The following TMEFF2 variants were observed in gnomAD, a reference collection of about 807,000 sequenced individuals.
TMEFF2 encodes tomoregulin-2.
Under a neutral mutation model 53.8 loss-of-function variants are expected in TMEFF2, and 28 were observed. That is an observed-to-expected ratio of 0.52 (90% confidence interval 0.39 to 0.71). The LOEUF (loss-of-function observed/expected upper bound fraction) is 0.71. Ranked by LOEUF, TMEFF2 falls within the 30% of genes least tolerant of loss-of-function variation. TMEFF2 has a pLI of 0.00. For missense variants in TMEFF2, 353 were observed against 455.2 expected (o/e 0.78, Z 2.04); for synonymous variants, 162 against 166.3 (o/e 0.97, Z 0.20).
At chr2:192,025,142 A>G (rs2105865138) in intron 5 of TMEFF2, among the ~76,000 whole-genome samples, 1 of 152,326 alleles carries the variant, frequency 6.6e-6, no homozygotes, top group Middle Eastern at 3.4e-3. Flanking sequence ...TTCAAGCTAT[A>G]TCAAGCATTG....
intron 7 of TMEFF2, among the ~76,000 whole-genome samples, chr2:191,990,416 A>AGTGTGTGTGTGTGT (rs55848067): frequency 0.61 from 90,486 of 147,138 alleles, 28,136 homozygotes; most frequent in East Asian, 0.77. Context: ...TGCTCAGAAT[A>AGTGTGTGTGTGTGT]GTGTGTGTGT....
intron 4 of TMEFF2, among the ~76,000 whole-genome samples, chr2:192,158,883 T>C (rs986529083): frequency 2.0e-5 from 3 of 152,088 alleles, no homozygotes; most frequent in African/African-American, 7.2e-5. Context: ...ACCTAAACTA[T>C]TCTTTAATGT....
chr2:191,993,552 T>A (rs1686154945), intron 7 of TMEFF2, among the ~76,000 whole-genome samples: 1 of 152,002 alleles, frequency 6.6e-6, no homozygotes, highest in Non-Finnish European at 1.5e-5. Flanking sequence ...ACATACATAC[T>A]ATAATCCAGC....
At chr2:192,006,016 T>TC (rs765618497) in intron 5 of TMEFF2, among the ~76,000 whole-genome samples, 224 of 151,078 alleles carry the variant, frequency 1.5e-3, no homozygotes, top group Non-Finnish European at 2.9e-3. Flanking sequence ...AACTGACTGG[T>TC]AAGGCTAATA....
intron 4 of TMEFF2, among the ~76,000 whole-genome samples, chr2:192,138,110 C>T (rs913319074): frequency 1.3e-5 from 2 of 152,152 alleles, no homozygotes; most frequent in Non-Finnish European, 2.9e-5. Flanking sequence ...TGAGCCACTG[C>T]GCCCAGCCTC....
Position 192,042,497 on chromosome 2 carries a change from G to T in TMEFF2, c.536+15182C>A, listed in dbSNP as rs1374129854. On this transcript the variant is annotated intron_variant, in intron 5 of 9. Coordinates refer to ENST00000272771, the MANE Select transcript of TMEFF2 (RefSeq NM_016192.4). ...TAGGAAGTGAAATCCGTGAAGAGGT[G>T]TGCTACACTCCAAAAGAACTACCTA... Among the ~76,000 whole-genome samples, 4 of 152,282 alleles carry T rather than the reference G, an allele frequency of 2.6e-5. No homozygotes were observed. In the East Asian group the frequency reaches 7.7e-4, roughly 29 times the overall value.
At position 191,949,897 on chromosome 2, in the gene TMEFF2, C is replaced by T. The variant is rs1691817178; in HGVS notation, c.*414G>A. 2 of 992,242 alleles carry T rather than the reference C, an allele frequency of 2.0e-6. No individual in the cohort carries two copies. The highest frequency in any genetic ancestry group is 1.2e-6 in the Non-Finnish European group (1 of 834,198). 61.5% of individuals were successfully genotyped at this position (992,242 alleles called of 1,614,324 possible). On this transcript the variant is annotated 3_prime_UTR_variant, in exon 10 of 10. Transcript: ENST00000272771. ...TCATTCAAAACCTAGCCACTGAGTCCTGTACGAACTAATGTGCTGTCTCAA... is the reference window on the plus strand; with the variant it reads ...TCATTCAAAACCTAGCCACTGAGTCTTGTACGAACTAATGTGCTGTCTCAA...
intron 7 of TMEFF2, among the ~76,000 whole-genome samples, chr2:191,985,677 C>T (rs1442117766): frequency 6.6e-6 from 1 of 152,148 alleles, no homozygotes; most frequent in Non-Finnish European, 1.5e-5. Flanking sequence ...CAGAAAATAA[C>T]ATTGCTGTGA....
At chr2:192,091,212 G>A (rs1473910819) in intron 4 of TMEFF2, among the ~76,000 whole-genome samples, 1 of 152,136 alleles carries the variant, frequency 6.6e-6, no homozygotes, top group Non-Finnish European at 1.5e-5. Context: ...TCTGTTTAAT[G>A]CTTTGATGGT....
intron 7 of TMEFF2, among the ~76,000 whole-genome samples, chr2:191,957,868 G>A (rs980182255): frequency 3.3e-5 from 5 of 152,184 alleles, no homozygotes; most frequent in Non-Finnish European, 7.3e-5. Context: ...TTTGCACATC[G>A]ATAGCAGCTA....
In TMEFF2 at chr2:191,953,744, T is replaced by C; in HGVS notation, c.963A>G (p.Leu321=). The change falls in exon 9 of 10, where the codon TTA becomes TTG. Residue 321 remains leucine, a synonymous_variant. Transcript: ENST00000272771. The stretch of plus-strand genomic sequence containing the variant: ...GAATTGTTCCAATCACAGCTGCGAT[T>C]AAGACATACTGAAATCGTACAGGAC... ...VPGPVRFQYV[L]IAAVIGTIQI... The C allele has an allele frequency of 6.2e-7, 1 of 1,614,192 alleles. No individual in the cohort carries two copies. Among genetic ancestry groups the C allele is most frequent in the Non-Finnish European group, 8.5e-7 (1 of 1,180,022 alleles).
intron 4 of TMEFF2, among the ~76,000 whole-genome samples, chr2:192,070,460 A>C (rs963018969): frequency 6.6e-6 from 1 of 151,906 alleles, no homozygotes. Context: ...TCTTAAAAAT[A>C]TAAGTCTGAT....
intron 6 of TMEFF2, among the ~76,000 whole-genome samples, 188 bp downstream of exon 6, chr2:191,998,872 G>T (rs548385761): frequency 1.3e-5 from 2 of 151,996 alleles, no homozygotes; most frequent in South Asian, 4.2e-4. Flanking sequence ...GACAGATCTG[G>T]ACGGTTGCTG....
At chr2:192,131,536 C>A (rs1324882005) in intron 4 of TMEFF2, among the ~76,000 whole-genome samples, 9 of 151,986 alleles carry the variant, frequency 5.9e-5, no homozygotes, top group Admixed American at 2.0e-4. Flanking sequence ...TATCTCTGTG[C>A]CCCAATCCCT....
intron 5 of TMEFF2, among the ~76,000 whole-genome samples, chr2:192,025,380 T>TG (rs1240539394): frequency 1.3e-5 from 2 of 151,264 alleles, no homozygotes; most frequent in Non-Finnish European, 1.5e-5. Context: ...AGAAGGGTTT[T>TG]TTTTTTTTTT....
chr2:192,053,500 T>C (rs1197647701), intron 5 of TMEFF2, among the ~76,000 whole-genome samples: 1 of 152,234 alleles, frequency 6.6e-6, no homozygotes, highest in Non-Finnish European at 1.5e-5. Context: ...GTATTGTGGA[T>C]ATAGTAAGAA....
rs539800649 is a variant in TMEFF2 at position 192,134,108 on chromosome 2, A to G, written c.439+45560T>C. ...ACTTTTAGAGGCCCTCAAAATCACA[A>G]ACTATGCTCAACTCACTCTCTACAT... On this transcript the variant is annotated intron_variant, in intron 4 of 9. Coordinates refer to ENST00000272771, the MANE Select transcript of TMEFF2 (RefSeq NM_016192.4). Among the ~76,000 whole-genome samples the G allele has an allele frequency of 3.3e-5, 5 of 152,180 alleles. No individual in the cohort carries two copies. The South Asian group carries it at 1.0e-3, about 32-fold the overall frequency.
intron 4 of TMEFF2, among the ~76,000 whole-genome samples, chr2:192,120,770 T>A (rs536185446): frequency 4.6e-5 from 7 of 152,108 alleles, no homozygotes; most frequent in African/African-American, 1.4e-4. Context: ...GGAGTCTCGC[T>A]CTGTCGCCCA....
At chr2:191,964,376 TTCTTTCTTTCTTTCTTTCTTTC>T (rs1272823664) in intron 7 of TMEFF2, among the ~76,000 whole-genome samples, 1,838 of 27,104 alleles carry the variant, frequency 0.068, 37 homozygotes, top group Middle Eastern at 0.13. Context: ...TTCTTTCTCT[TTCTTTCTTTCTTTCTTTCTTTC>T]TCTTTCTTTC....
Sources: allele counts gnomAD v4.1 joint callset (sites outside exome capture counted in the v4.1 genomes callset), GRCh38; gene constraint gnomAD v4.1.1; transcripts MANE v1.5; gene names NCBI Gene and HGNC (gene_info 2026-07-23, HGNC 2026-07-21).